The following BCL2L13 variants were observed in gnomAD, a reference collection of about 807,000 sequenced individuals.
BCL2L13 encodes bcl-2-like protein 13.
In BCL2L13, 13 loss-of-function variants were observed where a neutral mutation model predicts 25.8. The observed-to-expected ratio is 0.50, with a 90% CI of 0.33 to 0.80. BCL2L13 has a LOEUF of 0.80. Among genes scored for constraint, BCL2L13 ranks in the 30% least tolerant of loss-of-function variants. BCL2L13 has a pLI of 0.02. For missense variants in BCL2L13, 504 were observed against 574.9 expected, an observed-to-expected ratio of 0.88 and a Z score of 1.26; for synonymous variants, 244 against 230.3, an observed-to-expected ratio of 1.06 and a Z score of -0.54.
intron 3 of BCL2L13, among the ~76,000 whole-genome samples, chr22:17,686,005 C>G (rs1304202367): frequency 2.0e-5 from 3 of 151,692 alleles, no homozygotes; most frequent in Non-Finnish European, 2.9e-5. Context: ...ATCTCCTGAC[C>G]TCATGACCCG....
At chr22:17,670,685 G>C (rs994227473) in intron 2 of BCL2L13, among the ~76,000 whole-genome samples, 1 of 152,154 alleles carries the variant, frequency 6.6e-6, no homozygotes, top group African/African-American at 2.4e-5. Flanking sequence ...TTTCAAGGCA[G>C]ATTTGTATAA....
intron 3 of BCL2L13, among the ~76,000 whole-genome samples, chr22:17,685,760 CTTTTTTTTTTTTTTTTT>C: frequency 1.7e-5 from 1 of 60,566 alleles, no homozygotes; most frequent in East Asian, 5.0e-4. Context: ...TTTTCTTTTT[CTTTTTTTTTTTTTTTTT>C]TTTTTTTTTT....
intron 6 of BCL2L13, 49 bp downstream of exon 6, chr22:17,702,435 T>G: frequency 6.9e-7 from 1 of 1,451,304 alleles, no homozygotes; most frequent in Non-Finnish European, 9.1e-7. Context: ...AAAATTAGGT[T>G]TGTTGTTTTT....
intron 6 of BCL2L13, among the ~76,000 whole-genome samples, chr22:17,704,464 C>T (rs144613459): frequency 6.6e-6 from 1 of 152,076 alleles, no homozygotes; most frequent in East Asian, 1.9e-4. Context: ...CTAAGCTCTC[C>T]ATTTGCTTGT....
At chr22:17,687,440 C>A (rs1238191350) in intron 3 of BCL2L13, among the ~76,000 whole-genome samples, 1 of 152,110 alleles carries the variant, frequency 6.6e-6, no homozygotes, top group Non-Finnish European at 1.5e-5. Flanking sequence ...TTCCTGGACT[C>A]AAGTGATCCT....
At chr22:17,648,088 C>G (rs1295271499) in intron 1 of BCL2L13, among the ~76,000 whole-genome samples, 1 of 151,728 alleles carries the variant, frequency 6.6e-6, no homozygotes, top group Non-Finnish European at 1.5e-5. Context: ...CGAGGTCATG[C>G]CACTGCACTC....
chr22:17,723,573 C>G (rs1016427654), intron 6 of BCL2L13, among the ~76,000 whole-genome samples: 10 of 152,096 alleles, frequency 6.6e-5, no homozygotes, highest in Non-Finnish European at 1.3e-4. Flanking sequence ...CAAACAATAG[C>G]AAGTTATGAA....
At chr22:17,641,183 C>T (rs1480445659) in intron 1 of BCL2L13, among the ~76,000 whole-genome samples, 1 of 152,058 alleles carries the variant, frequency 6.6e-6, no homozygotes, top group African/African-American at 2.4e-5. Flanking sequence ...AGCCACTGCG[C>T]CCGGCCTAAA....
chr22:17,655,707 AT>A lies in BCL2L13; in HGVS notation c.-3del. On this transcript the variant is annotated 5_prime_UTR_variant, in exon 2 of 7. Transcript: ENST00000317582. ...GACCTTTTTGGAGCCTCACCAGCCAATTCAATGGCGTCCTCTTCTACTGTGC... is the reference window on the plus strand; with the variant it reads ...GACCTTTTTGGAGCCTCACCAGCCAATCAATGGCGTCCTCTTCTACTGTGC... 1 of 1,611,318 alleles carries A rather than the reference AT, an allele frequency of 6.2e-7. No homozygotes were observed. Among genetic ancestry groups the A allele is most frequent in the South Asian group, 1.1e-5 (1 of 90,476 alleles).
At chr22:17,683,176 C>T (rs763235239) in intron 2 of BCL2L13, 38 bp from the exon 3 acceptor site, 1 of 1,128,890 alleles carries the variant, frequency 8.9e-7, no homozygotes, top group Middle Eastern at 2.0e-4. Flanking sequence ...TGGTTTCTCT[C>T]TCCCTCTTTC....
chr22:17,724,012 C>T (rs2061227399), intron 6 of BCL2L13, among the ~76,000 whole-genome samples: 1 of 152,072 alleles, frequency 6.6e-6, no homozygotes, highest in African/African-American at 2.4e-5. Flanking sequence ...GTGGCTCACA[C>T]CTATAATCTC....
At chr22:17,629,163 A>C (rs1363036920) in intron 1 of BCL2L13, among the ~76,000 whole-genome samples, 1 of 152,080 alleles carries the variant, frequency 6.6e-6, no homozygotes, top group African/African-American at 2.4e-5. Context: ...CTCAAGTTCG[A>C]GACCAGGCTG....
chr22:17,713,362 T>G (rs59698829), intron 6 of BCL2L13, among the ~76,000 whole-genome samples: 230 of 152,160 alleles, frequency 1.5e-3, no homozygotes, highest in African/African-American at 5.3e-3. Flanking sequence ...AAAGCCATGG[T>G]AAAGTACAGT....
intron 6 of BCL2L13, 124 bp downstream of exon 6, chr22:17,702,510 C>T: frequency 1.1e-6 from 1 of 934,356 alleles, no homozygotes; most frequent in South Asian, 2.4e-5. Context: ...CTGGCACTAT[C>T]ATGGCAGGCT....
chr22:17,683,148 A>AAT, intron 2 of BCL2L13, 66 bp from the exon 3 acceptor site: 2 of 876,364 alleles, frequency 2.3e-6, no homozygotes, highest in Non-Finnish European at 3.6e-6. Context: ...AAAAAAAAAA[A>AAT]GTGCTATTAT....
rs377272187 is a variant in BCL2L13, at chr22:17,644,610, A to G, written c.-51+5724A>G. On this transcript the variant is annotated intron_variant, in intron 1 of 6. Transcript: ENST00000317582. ...CTTCCAAAGTGCTGGGATTATAGGTATGAGCCACCACGCCCGACTGCATTT... is the reference window on the plus strand; with the variant it reads ...CTTCCAAAGTGCTGGGATTATAGGTGTGAGCCACCACGCCCGACTGCATTT... Among the ~76,000 whole-genome samples the G allele has an allele frequency of 8.9e-4, 134 of 151,384 alleles. 2 individuals are homozygous for G. The South Asian group carries it at 0.023, about 26-fold the overall frequency.
chr22:17,704,040 A>G (rs965407174), intron 6 of BCL2L13, among the ~76,000 whole-genome samples: 2 of 152,238 alleles, frequency 1.3e-5, no homozygotes, highest in Admixed American at 1.3e-4. Flanking sequence ...ACTCAACTCC[A>G]GTATCTGTGC....
At chr22:17,671,859 G>A (rs1356188371) in intron 2 of BCL2L13, among the ~76,000 whole-genome samples, 6 of 152,118 alleles carry the variant, frequency 3.9e-5, no homozygotes, top group African/African-American at 1.4e-4. Context: ...GATTAAAGGA[G>A]CGCGCCATCA....
At chr22:17,688,857 T>A in intron 3 of BCL2L13, 129 bp from the exon 4 acceptor site, 10 of 692,032 alleles carry the variant, frequency 1.4e-5, no homozygotes, top group East Asian at 4.6e-5. Context: ...AACCTCTGCC[T>A]CCTGGGTTCA....
Sources: allele counts gnomAD v4.1 joint callset (sites outside exome capture counted in the v4.1 genomes callset), GRCh38; gene constraint gnomAD v4.1.1; transcripts MANE v1.5; gene names NCBI Gene and HGNC (gene_info 2026-07-23, HGNC 2026-07-21).